Variants in RANBP17 observed in about 807,000 individuals in gnomAD.
RANBP17 encodes RAN binding protein 17.
A neutral mutation model predicts 141.2 loss-of-function variants in RANBP17; 158 were observed. The ratio of observed to expected loss-of-function variants is 1.12; its 90% CI spans 0.98 to 1.28. RANBP17 has a LOEUF of 1.28. Among genes scored for constraint, RANBP17 ranks in the 50% most tolerant of loss-of-function variants. The pLI is 0.00. For missense variants in RANBP17, 1,438 were observed against 1,290.7 expected (o/e 1.11, Z -1.75); for synonymous variants, 430 against 450.0 (o/e 0.96, Z 0.56).
At chr5:171,066,536 T>C (rs997387176) in intron 14 of RANBP17, among the ~76,000 whole-genome samples, 5 of 152,230 alleles carry the variant, frequency 3.3e-5, no homozygotes, top group African/African-American at 1.2e-4. Flanking sequence ...TTCCACTGTA[T>C]GTATATACCA....
intron 12 of RANBP17, 116 bp from the exon 13 acceptor site, chr5:170,953,481 T>C: frequency 1.5e-6 from 1 of 653,734 alleles, no homozygotes; most frequent in East Asian, 2.8e-5. Context: ...GAGTTCACAA[T>C]AATTTATCAC....
chr5:171,119,778 A>G (rs1313969045), intron 14 of RANBP17, among the ~76,000 whole-genome samples: 1 of 152,068 alleles, frequency 6.6e-6, no homozygotes, highest in African/African-American at 2.4e-5. Context: ...GGTGGCTTAC[A>G]CCTGTAATCC....
At chr5:170,975,739 C>G (rs1307564746) in intron 14 of RANBP17, among the ~76,000 whole-genome samples, 1 of 152,090 alleles carries the variant, frequency 6.6e-6, no homozygotes, top group Non-Finnish European at 1.5e-5. Flanking sequence ...TTTTAACATA[C>G]GAATTTCCCG....
rs377090747 is a variant in RANBP17 at position 171,265,174 on chromosome 5, G to A, written c.2777-507G>A. ...TGGAAAAATCTGCCTAATCTATCCA[G>A]GAATTATTTATTTATGTGTCTCTAG... On this transcript the variant is annotated intron_variant, in intron 24 of 27. Transcript: ENST00000523189. 1.3e-3 allele frequency among the ~76,000 whole-genome samples: 202 copies of A among 152,296 alleles called. 9 individuals are homozygous for A. The South Asian group carries it at 0.04, about 30-fold the overall frequency.
At chr5:170,963,747 G>C (rs534992565) in intron 13 of RANBP17, among the ~76,000 whole-genome samples, 6 of 152,222 alleles carry the variant, frequency 3.9e-5, no homozygotes, top group Non-Finnish European at 8.8e-5. Flanking sequence ...ACCTCCTGCT[G>C]TGCAGCCTGG....
intron 20 of RANBP17, among the ~76,000 whole-genome samples, chr5:171,213,025 T>TA (rs1763001362): frequency 6.6e-6 from 1 of 152,190 alleles, no homozygotes; most frequent in South Asian, 2.1e-4. Context: ...GATTAATAGT[T>TA]ACTCAAAGCT....
chr5:170,895,933 A>G, intron 4 of RANBP17, 117 bp from the exon 5 acceptor site: 1 of 480,434 alleles, frequency 2.1e-6, no homozygotes, highest in East Asian at 3.4e-5. Context: ...TTTCCATTTT[A>G]TTATTGAGTA....
At chr5:171,180,957 A>T (rs1425400090) in intron 16 of RANBP17, among the ~76,000 whole-genome samples, 1 of 152,192 alleles carries the variant, frequency 6.6e-6, no homozygotes, top group African/African-American at 2.4e-5. Context: ...CAGCATTCTT[A>T]TTACCCATAG....
At chr5:171,151,312 C>T (rs1306339070) in intron 14 of RANBP17, among the ~76,000 whole-genome samples, 1 of 151,776 alleles carries the variant, frequency 6.6e-6, no homozygotes, top group East Asian at 1.9e-4. Context: ...CCTCTTTGGC[C>T]TAGGAATTTA....
chr5:171,170,794 A>C (rs1491003121), intron 15 of RANBP17, among the ~76,000 whole-genome samples: 1 of 152,162 alleles, frequency 6.6e-6, no homozygotes, highest in Non-Finnish European at 1.5e-5. Flanking sequence ...CAGCAAAGTT[A>C]GATAAACAGT....
At chr5:170,896,712 C>G (rs879633167) in intron 5 of RANBP17, among the ~76,000 whole-genome samples, 13 of 152,182 alleles carry the variant, frequency 8.5e-5, no homozygotes, top group Non-Finnish European at 1.8e-4. Context: ...CGCCTGTAAT[C>G]CCAGCTACTG....
intron 22 of RANBP17, among the ~76,000 whole-genome samples, chr5:171,233,880 C>G (rs535063765): frequency 1.3e-5 from 2 of 152,296 alleles, no homozygotes; most frequent in African/African-American, 4.8e-5. Flanking sequence ...CTGATGTAAA[C>G]TATGACATTG....
intron 14 of RANBP17, among the ~76,000 whole-genome samples, chr5:171,052,535 A>T (rs1362106807): frequency 1.3e-5 from 2 of 152,114 alleles, no homozygotes; most frequent in Admixed American, 1.3e-4. Context: ...TTATCCATAG[A>T]TTATAGGGTT....
chr5:170,883,996 A>G (rs1768944070), intron 3 of RANBP17, among the ~76,000 whole-genome samples: 1 of 152,180 alleles, frequency 6.6e-6, no homozygotes, highest in Admixed American at 6.5e-5. Context: ...ATTATATGTT[A>G]AGAGTGTGTT....
intron 24 of RANBP17, among the ~76,000 whole-genome samples, chr5:171,245,715 G>A (rs1765169767): frequency 6.6e-6 from 1 of 152,102 alleles, no homozygotes; most frequent in Non-Finnish European, 1.5e-5. Context: ...TTATTTTGGA[G>A]TAACTGGGCC....
rs1768789288 is a variant in RANBP17 at position 171,295,933 on chromosome 5, C to G, written c.3089C>G (p.Pro1030Arg). ...AGTTTGATAAACAGCCAGCCCCTCC[C>G]CAAGCAGGAGGTCCTTGCCCAGTGC... ...RASLINSQPL[P>R]KQEVLAQCFR... Residue 1030 changes from proline to arginine, a missense_variant, in exon 27 of 28, where the codon CCC becomes CGC. Pro to Arg is a moderately radical substitution (Grantham distance 103, BLOSUM62 -2). Transcript: ENST00000523189. 6.2e-7 allele frequency: 1 copy of G among 1,613,678 alleles called. No homozygotes were observed. Among genetic ancestry groups the G allele is most frequent in the African/African-American group, 1.3e-5 (1 of 74,884 alleles).
At chr5:170,889,682 C>T (rs929749933) in intron 3 of RANBP17, among the ~76,000 whole-genome samples, 1 of 152,156 alleles carries the variant, frequency 6.6e-6, no homozygotes, top group African/African-American at 2.4e-5. Flanking sequence ...GTTATATAGG[C>T]TTTTGACACG....
rs1392540481 is a variant in RANBP17, at chr5:171,261,084, C to A, written c.2777-4597C>A. On this transcript the variant is annotated intron_variant, in intron 24 of 27. Transcript: ENST00000523189. ...TTTACACATTAGCTTCACCCCCCAC[C>A]CCCCCCAAAAAAAAAAACCAAAAGA... 8.8e-5 allele frequency among the ~76,000 whole-genome samples: 5 copies of A among 56,640 alleles called. No homozygotes were observed. The East Asian group carries it at 2.7e-3, about 31-fold the overall frequency. The allele number at this position is 56,640 out of a possible 152,430, so 37.2% of individuals were successfully genotyped here. A position where few individuals can be genotyped will look rare whatever the true frequency, so the allele number is the denominator to read the frequency against.
intron 25 of RANBP17, among the ~76,000 whole-genome samples, chr5:171,272,988 G>A (rs1006101376): frequency 2.6e-5 from 4 of 152,100 alleles, no homozygotes; most frequent in African/African-American, 4.8e-5. Flanking sequence ...AGTAGGACAC[G>A]TAGTCTTGAG....
Sources: gnomAD v4.1 joint callset for allele counts (sites outside exome capture counted in the v4.1 genomes callset) on GRCh38, gnomAD v4.1.1 for gene constraint, MANE v1.5 for transcripts, NCBI Gene and HGNC (gene_info 2026-07-23, HGNC 2026-07-21) for gene names.